Variants in SIPA1L2 observed in about 807,000 individuals in gnomAD.
SIPA1L2 encodes the protein signal induced proliferation associated 1 like 2.
Under a neutral mutation model 163.9 loss-of-function variants are expected in SIPA1L2, and 56 were observed. That is an observed-to-expected ratio of 0.34 (90% CI 0.28 to 0.43). SIPA1L2 has a LOEUF of 0.43. Among genes scored for constraint, SIPA1L2 ranks in the 20% least tolerant of loss-of-function variants. The pLI is 1.00. For synonymous variants in SIPA1L2, 877 were observed against 865.7 expected (o/e 1.01, Z -0.23); for missense variants, 1,974 against 2,193.5 (o/e 0.90, Z 2.00).
chr1:232,621,060 A>G (rs1241770719), intron 1 of SIPA1L2, among the ~76,000 whole-genome samples: 1 of 152,224 alleles, frequency 6.6e-6, no homozygotes, highest in Non-Finnish European at 1.5e-5. Flanking sequence ...TTTTCCTCTT[A>G]TATTTCTTTT....
intron 1 of SIPA1L2, among the ~76,000 whole-genome samples, chr1:232,589,299 C>T (rs1660845083): frequency 6.6e-6 from 1 of 152,190 alleles, no homozygotes; most frequent in South Asian, 2.1e-4. Flanking sequence ...CCATCAATTT[C>T]CCAAATGACT....
At chr1:232,407,546 G>A (rs976604023) in intron 19 of SIPA1L2, among the ~76,000 whole-genome samples, 1 of 152,222 alleles carries the variant, frequency 6.6e-6, no homozygotes, top group African/African-American at 2.4e-5. Flanking sequence ...GTTATGTGGA[G>A]CATTTCATTG....
At position 232,563,877 on chromosome 1, in the gene SIPA1L2, G is replaced by A. The variant is rs539051689; in HGVS notation, c.-270+10297C>T. Among the ~76,000 whole-genome samples the A allele has an allele frequency of 2.2e-4, 34 of 151,652 alleles. 1 individual carries two copies. The highest frequency in any genetic ancestry group is 8.0e-4 in the African/African-American group (33 of 41,302). ...TTACAGGTGCCCGCCACCATGCCCA[G>A]CTAATTTTTGTATTTTTAGTAGAGA... On this transcript the variant is annotated intron_variant, in intron 2 of 22. Coordinates refer to ENST00000674635, the MANE Select transcript of SIPA1L2 (RefSeq NM_020808.5).
chr1:232,571,039 G>A (rs1366369086), intron 2 of SIPA1L2, among the ~76,000 whole-genome samples: 1 of 150,004 alleles, frequency 6.7e-6, no homozygotes, highest in African/African-American at 2.5e-5. Context: ...TATTGCAAAA[G>A]GTATCTCCAG....
At chr1:232,539,240 G>A (rs1422991091) in intron 2 of SIPA1L2, among the ~76,000 whole-genome samples, 1 of 152,152 alleles carries the variant, frequency 6.6e-6, no homozygotes, top group Admixed American at 6.5e-5. Flanking sequence ...TCTTATCTAG[G>A]GCTTCTTGGT....
chr1:232,537,119 T>C (rs1657350283), intron 2 of SIPA1L2, among the ~76,000 whole-genome samples: 2 of 152,074 alleles, frequency 1.3e-5, no homozygotes, highest in Admixed American at 1.3e-4. Flanking sequence ...ATCTGTAGTC[T>C]CAGTTACTTG....
intron 7 of SIPA1L2, among the ~76,000 whole-genome samples, chr1:232,478,484 TG>T (rs1665157209): frequency 6.6e-6 from 1 of 152,164 alleles, no homozygotes; most frequent in Non-Finnish European, 1.5e-5. Context: ...TGGGAAAAAA[TG>T]CAGAATTAGA....
intron 2 of SIPA1L2, among the ~76,000 whole-genome samples, chr1:232,535,691 T>C (rs1287080303): frequency 6.6e-6 from 1 of 152,216 alleles, no homozygotes; most frequent in Non-Finnish European, 1.5e-5. Context: ...TGCAACTGAA[T>C]GCCAGACATT....
At position 232,439,274 on chromosome 1, in the gene SIPA1L2, G is replaced by C; in HGVS notation, c.3865C>G (p.Leu1289Val). 1.2e-6 allele frequency: 2 copies of C among 1,614,118 alleles called. No homozygotes were observed. Among genetic ancestry groups the C allele is most frequent in the Non-Finnish European group, 1.7e-6 (2 of 1,180,042 alleles). Reference sequence around the variant, plus strand: ...CACTGCTCGGCCCGGCTGTGGATCAGGGACCTGCTGCCTGCCAGGTGCACA... The same window carrying C: ...CACTGCTCGGCCCGGCTGTGGATCACGGACCTGCTGCCTGCCAGGTGCACA... ...GPVHLAGSRS[L>V]IHSRAEQWAD... The change falls in exon 15 of 23, where the codon CTG (leucine) becomes GTG (valine). Residue 1289 changes from leucine to valine, a missense_variant. Coordinates refer to ENST00000674635, the MANE Select transcript of SIPA1L2 (RefSeq NM_020808.5).
chr1:232,614,436 A>C (rs2102879217), intron 1 of SIPA1L2, among the ~76,000 whole-genome samples: 1 of 152,336 alleles, frequency 6.6e-6, no homozygotes. Flanking sequence ...CTAACTGATT[A>C]AGTTCCACAC....
At chr1:232,425,059 C>A (rs193135773) in intron 18 of SIPA1L2, among the ~76,000 whole-genome samples, 24 of 152,236 alleles carry the variant, frequency 1.6e-4, no homozygotes, top group Admixed American at 1.4e-3. Context: ...AGCGGGGACA[C>A]AAGAGAACAC....
At chr1:232,451,013 A>G (rs1471900381) in intron 10 of SIPA1L2, among the ~76,000 whole-genome samples, 2 of 152,226 alleles carry the variant, frequency 1.3e-5, no homozygotes, top group African/African-American at 4.8e-5. Context: ...AAAATTAGCT[A>G]TTCTCAAAAG....
chr1:232,577,266 T>G (rs1288589653), intron 1 of SIPA1L2, among the ~76,000 whole-genome samples: 1 of 152,184 alleles, frequency 6.6e-6, no homozygotes, highest in Non-Finnish European at 1.5e-5. Flanking sequence ...ACAGCATTAT[T>G]TACTAAATAT....
At chr1:232,509,069 G>A (rs1043204513) in intron 3 of SIPA1L2, among the ~76,000 whole-genome samples, 4 of 152,226 alleles carry the variant, frequency 2.6e-5, no homozygotes. Flanking sequence ...GCCAGCCTGG[G>A]CAACAGAGCG....
At chr1:232,617,440 G>C (rs927568926) in intron 1 of SIPA1L2, among the ~76,000 whole-genome samples, 4 of 152,200 alleles carry the variant, frequency 2.6e-5, no homozygotes, top group Admixed American at 6.5e-5. Context: ...AAAATCATCT[G>C]ACAAATGGAT....
At chr1:232,502,322 C>T (rs898846805) in intron 3 of SIPA1L2, among the ~76,000 whole-genome samples, 3 of 152,138 alleles carry the variant, frequency 2.0e-5, no homozygotes, top group South Asian at 2.1e-4. Context: ...ACTGCATCAT[C>T]GAGTATTTTG....
upstream of SIPA1L2, among the ~76,000 whole-genome samples, chr1:232,630,151 T>A (rs943493619): frequency 7.9e-5 from 12 of 151,188 alleles, no homozygotes; most frequent in Admixed American, 1.3e-4. Flanking sequence ...CGGCTCCCGA[T>A]GCCACCGCCC....
intron 18 of SIPA1L2, among the ~76,000 whole-genome samples, chr1:232,420,263 C>T (rs923553726): frequency 4.6e-5 from 7 of 151,952 alleles, no homozygotes; most frequent in South Asian, 2.1e-4. Context: ...GTGGTGGCTG[C>T]AGCGAGCCAA....
intron 6 of SIPA1L2, among the ~76,000 whole-genome samples, chr1:232,480,845 A>G (rs1665312481): frequency 6.6e-6 from 1 of 152,188 alleles, no homozygotes; most frequent in Admixed American, 6.5e-5. Context: ...TTTTTACTTT[A>G]AAAACACGAA....
Sources: allele counts gnomAD v4.1 joint callset (sites outside exome capture counted in the v4.1 genomes callset), GRCh38; gene constraint gnomAD v4.1.1; transcripts MANE v1.5; gene names NCBI Gene and HGNC (gene_info 2026-07-23, HGNC 2026-07-21).